SLC24A2: variants seen among roughly 807,000 people sequenced by gnomAD.
The protein encoded by SLC24A2 is solute carrier family 24 member 2, also known as sodium/potassium/calcium exchanger 2.
SLC24A2 carries 36 observed loss-of-function variants against 62.0 expected under a neutral mutation model. The ratio of observed to expected loss-of-function variants is 0.58; its 90% CI spans 0.44 to 0.77. SLC24A2 has a LOEUF of 0.77. Ranked by LOEUF, SLC24A2 falls within the 30% of genes least tolerant of loss-of-function variation. The pLI is 0.00. For missense variants in SLC24A2, 846 were observed against 817.9 expected, an observed-to-expected ratio of 1.03 and a Z score of -0.42; for synonymous variants, 358 against 294.0, an observed-to-expected ratio of 1.22 and a Z score of -2.23.
chr9:19,963,144 C>A, the SLC24A2 span, among the ~76,000 whole-genome samples: 1 of 146,412 alleles, frequency 6.8e-6, no homozygotes, highest in African/African-American at 2.5e-5. Context: ...ATAAATGGTG[C>A]TGGGAAAACT....
intron 8 of SLC24A2, among the ~76,000 whole-genome samples, chr9:19,530,118 A>G (rs913458992): frequency 7.2e-6 from 1 of 138,710 alleles, no homozygotes. Flanking sequence ...AATCAGCCGG[A>G]TTCTGGAGAC....
In SLC24A2 at chr9:19,516,214, A is replaced by G. The variant is rs1832918067; in HGVS notation, c.1925T>C (p.Val642Ala). The G allele has an allele frequency of 6.2e-7, 1 of 1,614,230 alleles. No individual in the cohort carries two copies. Among genetic ancestry groups the G allele is most frequent in the South Asian group, 1.1e-5 (1 of 91,078 alleles). The change falls in exon 11 of 11, where the codon GTG becomes GCG. Residue 642 changes from valine (V) to alanine (A), a missense_variant. Transcript: ENST00000341998. ...LGFIMFGLYFVFLVVSVLLED... is the reference protein window; with the variant it reads ...LGFIMFGLYFAFLVVSVLLED... Reference sequence around the variant, plus strand: ...TAGGAGAACGCTCACCACCAGGAACACAAAGTAGAGGCCAAACATGATGAA... The same window carrying G: ...TAGGAGAACGCTCACCACCAGGAACGCAAAGTAGAGGCCAAACATGATGAA...
In SLC24A2 at chr9:19,785,838, C is replaced by G. The variant is rs1823148023; in HGVS notation, c.930+99G>C. ...AATCAATCTGCTATCCACAAGAGCC[C>G]CAAACACCATCACATCAAAAGAACT... On this transcript the variant is annotated intron_variant, in intron 2 of 10. Transcript: ENST00000341998. 2.7e-6 allele frequency: 4 copies of G among 1,501,886 alleles called. No homozygotes were observed. In the East Asian group the frequency reaches 9.1e-5, roughly 34 times the overall value. 93.0% of individuals were successfully genotyped at this position (1,501,886 alleles called of 1,614,324 possible). A position where few individuals can be genotyped will look rare whatever the true frequency, so the allele number is the denominator to read the frequency against.
the SLC24A2 span, among the ~76,000 whole-genome samples, chr9:19,985,609 G>A: frequency 5.3e-5 from 8 of 152,260 alleles, no homozygotes; most frequent in East Asian, 1.4e-3. Flanking sequence ...AAAGGCAAGG[G>A]AATGTTTAAT....
At chr9:19,682,301 T>C (rs911360620) in intron 2 of SLC24A2, among the ~76,000 whole-genome samples, 18 of 152,144 alleles carry the variant, frequency 1.2e-4, no homozygotes, top group Admixed American at 5.9e-4. Context: ...GTGCTGATAG[T>C]AGACGGTTGC....
intron 2 of SLC24A2, among the ~76,000 whole-genome samples, chr9:19,688,186 G>A (rs1381341034): frequency 6.6e-6 from 1 of 152,078 alleles, no homozygotes; most frequent in Admixed American, 6.6e-5. Flanking sequence ...TTTAGAATAT[G>A]TTACTAATAC....
the SLC24A2 span, among the ~76,000 whole-genome samples, chr9:20,247,510 C>T: frequency 7.2e-5 from 11 of 152,118 alleles, no homozygotes; most frequent in South Asian, 2.1e-4. Context: ...GAGTTGAGAA[C>T]GACTCCTTAC....
At chr9:20,222,134 A>G in the SLC24A2 span, among the ~76,000 whole-genome samples, 1 of 152,000 alleles carries the variant, frequency 6.6e-6, no homozygotes, top group Admixed American at 6.6e-5. Flanking sequence ...TAACGAAATA[A>G]TGGTAGAAAA....
chr9:19,628,971 G>A (rs1818105195), intron 2 of SLC24A2, among the ~76,000 whole-genome samples: 1 of 152,180 alleles, frequency 6.6e-6, no homozygotes, highest in Non-Finnish European at 1.5e-5. Context: ...TCTAACAAAT[G>A]CTGGTGTGCA....
chr9:19,753,390 G>A (rs1441023678), intron 2 of SLC24A2, among the ~76,000 whole-genome samples: 1 of 152,152 alleles, frequency 6.6e-6, no homozygotes, highest in Admixed American at 6.5e-5. Context: ...TCTAAGTGCT[G>A]GTGAGCAGAT....
chr9:19,554,234 C>A (rs952206595), intron 7 of SLC24A2, among the ~76,000 whole-genome samples: 2 of 152,168 alleles, frequency 1.3e-5, no homozygotes, highest in African/African-American at 2.4e-5. Context: ...GGAAACCAAC[C>A]CTGCCAAACA....
At chr9:19,662,249 T>C (rs1413983248) in intron 2 of SLC24A2, among the ~76,000 whole-genome samples, 1 of 152,200 alleles carries the variant, frequency 6.6e-6, no homozygotes, top group African/African-American at 2.4e-5. Context: ...ATAGAAGAAT[T>C]AGTAATGAGA....
the SLC24A2 span, among the ~76,000 whole-genome samples, chr9:19,838,853 C>G: frequency 6.6e-6 from 1 of 150,432 alleles, no homozygotes; most frequent in African/African-American, 2.4e-5. Context: ...GTCTAAAACA[C>G]CAAAAGCAAT....
At chr9:20,144,229 C>T in the SLC24A2 span, among the ~76,000 whole-genome samples, 10 of 152,296 alleles carry the variant, frequency 6.6e-5, no homozygotes, top group African/African-American at 2.2e-4. Flanking sequence ...CAGATAGGAA[C>T]TTTTCAGCTA....
At chr9:20,065,167 GGACA>G in the SLC24A2 span, among the ~76,000 whole-genome samples, 7 of 152,192 alleles carry the variant, frequency 4.6e-5, no homozygotes, top group African/African-American at 1.7e-4. Flanking sequence ...AACCAGAAAA[GGACA>G]GATTGGGCAG....
At chr9:20,114,234 G>T in the SLC24A2 span, among the ~76,000 whole-genome samples, 1 of 152,084 alleles carries the variant, frequency 6.6e-6, no homozygotes, top group African/African-American at 2.4e-5. Context: ...GTCAAGGAAA[G>T]AACCACCGCA....
At chr9:19,542,803 A>G (rs1834342433) in intron 8 of SLC24A2, among the ~76,000 whole-genome samples, 1 of 152,196 alleles carries the variant, frequency 6.6e-6, no homozygotes, top group Non-Finnish European at 1.5e-5. Flanking sequence ...ATGGTGGTGC[A>G]TAAGCTTTTT....
At chr9:20,147,941 T>TA in the SLC24A2 span, among the ~76,000 whole-genome samples, 4 of 152,072 alleles carry the variant, frequency 2.6e-5, no homozygotes, top group Non-Finnish European at 5.9e-5. Context: ...TTAAATGAGG[T>TA]AATGTATAGG....
chr9:20,087,536 G>C, the SLC24A2 span, among the ~76,000 whole-genome samples: 3 of 152,174 alleles, frequency 2.0e-5, no homozygotes, highest in East Asian at 1.9e-4. Flanking sequence ...ATCTCAAAGA[G>C]AGATAATATT....
Sources: allele counts gnomAD v4.1 joint callset (sites outside exome capture counted in the v4.1 genomes callset), GRCh38; gene constraint gnomAD v4.1.1; transcripts MANE v1.5; gene names NCBI Gene and HGNC (gene_info 2026-07-23, HGNC 2026-07-21).